STXBP5L: variants seen among roughly 807,000 people sequenced by gnomAD.
STXBP5L encodes the protein syntaxin binding protein 5L.
In STXBP5L, 65 loss-of-function variants were observed where a neutral mutation model predicts 144.5. The observed-to-expected ratio is 0.45, with a 90% confidence interval of 0.37 to 0.55. STXBP5L has a LOEUF of 0.55. STXBP5L is among the 20% of genes least tolerant of loss of function. The pLI is 0.00. For synonymous variants in STXBP5L, 505 were observed against 469.6 expected, an observed-to-expected ratio of 1.08 and a Z score of -0.97; for missense variants, 1,298 against 1,405.5, an observed-to-expected ratio of 0.92 and a Z score of 1.22.
intron 5 of STXBP5L, among the ~76,000 whole-genome samples, chr3:121,088,370 T>C (rs370406801): frequency 8.8e-6 from 1 of 113,092 alleles, no homozygotes; most frequent in African/African-American, 3.5e-5. Context: ...ATCAGAGAAA[T>C]GCAAATCAAA....
At chr3:121,101,600 T>C (rs995719657) in intron 5 of STXBP5L, among the ~76,000 whole-genome samples, 1 of 152,086 alleles carries the variant, frequency 6.6e-6, no homozygotes. Flanking sequence ...GTAAGAGCTA[T>C]TTATGATAAA....
intron 5 of STXBP5L, among the ~76,000 whole-genome samples, chr3:121,050,254 T>C (rs1408778207): frequency 6.6e-6 from 1 of 152,176 alleles, no homozygotes; most frequent in Non-Finnish European, 1.5e-5. Context: ...GTCTTTTTTT[T>C]TAAGAGGAAA....
intron 14 of STXBP5L, among the ~76,000 whole-genome samples, chr3:121,241,814 A>G (rs536156354): frequency 5.3e-5 from 8 of 152,342 alleles, no homozygotes; most frequent in African/African-American, 9.6e-5. Flanking sequence ...GCAAACCCCA[A>G]TAAATCTATA....
chr3:121,226,077 G>T (rs1165973969), intron 11 of STXBP5L, among the ~76,000 whole-genome samples: 1 of 152,170 alleles, frequency 6.6e-6, no homozygotes, highest in African/African-American at 2.4e-5. Flanking sequence ...TTGGTAATGT[G>T]AAGTGGTCCA....
chr3:121,211,733 C>T (rs2048577387), intron 10 of STXBP5L, among the ~76,000 whole-genome samples: 1 of 151,942 alleles, frequency 6.6e-6, no homozygotes, highest in Non-Finnish European at 1.5e-5. Context: ...CATGTGCCAC[C>T]ATTCCCAGCT....
chr3:120,927,818 G>T (rs991853222), intron 2 of STXBP5L, among the ~76,000 whole-genome samples: 1 of 152,086 alleles, frequency 6.6e-6, no homozygotes, highest in Non-Finnish European at 1.5e-5. Flanking sequence ...GTTGTATGCT[G>T]CCATTTTGGA....
chr3:121,093,932 C>A (rs2042968893), intron 5 of STXBP5L, among the ~76,000 whole-genome samples: 1 of 152,174 alleles, frequency 6.6e-6, no homozygotes, highest in Non-Finnish European at 1.5e-5. Context: ...TCCCTCTACA[C>A]ACTGCTTTAA....
intron 5 of STXBP5L, among the ~76,000 whole-genome samples, chr3:121,096,817 G>C (rs1260187063): frequency 6.6e-6 from 1 of 152,150 alleles, no homozygotes; most frequent in East Asian, 1.9e-4. Flanking sequence ...CAGGAGGTAT[G>C]GAGGTCAGGG....
intron 5 of STXBP5L, among the ~76,000 whole-genome samples, chr3:121,104,731 A>T (rs920880043): frequency 6.6e-6 from 1 of 152,218 alleles, no homozygotes; most frequent in African/African-American, 2.4e-5. Context: ...CTCTCACCTT[A>T]TACAAAAATC....
chr3:121,259,219 A>G (rs1240652248), intron 18 of STXBP5L, 51 bp downstream of exon 18: 1 of 1,357,252 alleles, frequency 7.4e-7, no homozygotes, highest in Non-Finnish European at 9.6e-7. Context: ...AATATGTTTG[A>G]TTTTTTAGAT....
rs367927146 is a variant in STXBP5L at position 121,314,367 on chromosome 3, G to A, written c.2111-4108G>A. ...GGCACCTCGGGAGGCCGAGGCTGGCGGATCACTCGCGGTTAGGAGCTGGAG... is the reference window on the plus strand; with the variant it reads ...GGCACCTCGGGAGGCCGAGGCTGGCAGATCACTCGCGGTTAGGAGCTGGAG... On this transcript the variant is annotated intron_variant, in intron 19 of 26. Coordinates refer to ENST00000471454, the MANE Select transcript of STXBP5L (RefSeq NM_001308330.2). Among the ~76,000 whole-genome samples, 300 of 135,662 alleles carry A rather than the reference G, an allele frequency of 2.2e-3. 1 individual carries two copies. The South Asian group carries it at 0.024, about 11-fold the overall frequency. 89.0% of individuals were successfully genotyped at this position (135,662 alleles called of 152,430 possible).
intron 3 of STXBP5L, among the ~76,000 whole-genome samples, chr3:120,974,829 G>C (rs928549838): frequency 1.3e-5 from 2 of 152,078 alleles, no homozygotes; most frequent in Non-Finnish European, 2.9e-5. Context: ...TTTTTGTCAG[G>C]TTTGTCAAAG....
At chr3:121,270,725 T>C (rs1255575786) in intron 18 of STXBP5L, among the ~76,000 whole-genome samples, 1 of 152,178 alleles carries the variant, frequency 6.6e-6, no homozygotes, top group African/African-American at 2.4e-5. Context: ...AGTGCTGAGA[T>C]TACAGGCGTG....
At chr3:121,313,220 C>T (rs1397667514) in intron 19 of STXBP5L, among the ~76,000 whole-genome samples, 1 of 108,394 alleles carries the variant, frequency 9.2e-6, no homozygotes, top group Non-Finnish European at 1.8e-5. Flanking sequence ...GGGGGGCTGA[C>T]CCCCCCCACC....
chr3:121,305,342 A>T (rs529732917), intron 19 of STXBP5L, among the ~76,000 whole-genome samples: 1 of 152,272 alleles, frequency 6.6e-6, no homozygotes, highest in African/African-American at 2.4e-5. Context: ...TGATAACTAA[A>T]ACTTGACAAA....
At chr3:121,236,113 T>G (rs946832904) in intron 12 of STXBP5L, among the ~76,000 whole-genome samples, 1 of 152,154 alleles carries the variant, frequency 6.6e-6, no homozygotes. Context: ...CTCATTTCCT[T>G]TTTAAGGTTA....
At chr3:121,066,066 C>A (rs1275372563) in intron 5 of STXBP5L, among the ~76,000 whole-genome samples, 1 of 152,138 alleles carries the variant, frequency 6.6e-6, no homozygotes, top group Non-Finnish European at 1.5e-5. Flanking sequence ...AGTGACAGCC[C>A]ATGACCTTTG....
At chr3:121,273,796 C>A (rs2050798139) in intron 18 of STXBP5L, among the ~76,000 whole-genome samples, 2 of 151,798 alleles carry the variant, frequency 1.3e-5, no homozygotes, top group African/African-American at 2.4e-5. Context: ...CAAATTTTTT[C>A]TTTTGCTTGA....
At chr3:121,010,328 T>A (rs1944678465) in intron 3 of STXBP5L, among the ~76,000 whole-genome samples, 2 of 151,988 alleles carry the variant, frequency 1.3e-5, no homozygotes, top group Non-Finnish European at 2.9e-5. Context: ...GGTCTCCCCT[T>A]CAATTGATAG....
Sources: gnomAD v4.1 joint callset for allele counts (sites outside exome capture counted in the v4.1 genomes callset) on GRCh38, gnomAD v4.1.1 for gene constraint, MANE v1.5 for transcripts, NCBI Gene and HGNC (gene_info 2026-07-23, HGNC 2026-07-21) for gene names.